Variants in INVS observed in about 807,000 individuals in gnomAD.
INVS encodes inversion of embryo turning homolog.
In INVS, 86 loss-of-function variants were observed where a neutral mutation model predicts 108.8. The observed-to-expected ratio is 0.79, with a 90% CI of 0.66 to 0.95. INVS has a LOEUF of 0.95. INVS is among the 40% of genes least tolerant of loss of function. The pLI, the probability that INVS is intolerant of heterozygous loss-of-function variation, is 0.00. For synonymous variants in INVS, 455 were observed against 473.5 expected, an observed-to-expected ratio of 0.96 and a Z score of 0.51; for missense variants, 1,169 against 1,297.4, an observed-to-expected ratio of 0.90 and a Z score of 1.52.
chr9:100,226,262 A>G, intron 4 of INVS, 27 bp downstream of exon 4: 2 of 1,600,070 alleles, frequency 1.2e-6, no homozygotes, highest in Non-Finnish European at 1.7e-6. Flanking sequence ...ATCAAAGACT[A>G]ATAAGACCAG....
At chr9:100,257,971 G>A (rs1388907700) in intron 10 of INVS, among the ~76,000 whole-genome samples, 1 of 152,184 alleles carries the variant, frequency 6.6e-6, no homozygotes, top group Non-Finnish European at 1.5e-5. Flanking sequence ...CTAGGTTGGG[G>A]AAGTTCTCCT....
chr9:100,145,227 G>A (rs567971965), intron 3 of INVS, among the ~76,000 whole-genome samples: 4 of 152,138 alleles, frequency 2.6e-5, no homozygotes, highest in African/African-American at 9.6e-5. Context: ...GAGACACGGA[G>A]GGAAGGGGTT....
chr9:100,179,549 G>C (rs1229042745), intron 3 of INVS, among the ~76,000 whole-genome samples: 1 of 151,634 alleles, frequency 6.6e-6, no homozygotes, highest in African/African-American at 2.4e-5. Flanking sequence ...ACAAACAAGG[G>C]CATTACATAA....
chr9:100,117,207 A>G (rs1445652396), intron 2 of INVS: 4 of 984,172 alleles, frequency 4.1e-6, no homozygotes, highest in Admixed American at 1.9e-5. Context: ...TCCTTGGAGC[A>G]CTTAACACCC....
Position 100,240,215 on chromosome 9 carries a change from C to T in INVS, c.771C>T (p.Thr257=). ...NITSYDNLFR[T]PLHWAALLGH... The stretch of plus-strand genomic sequence containing the variant: ...CGTCTTATGATAACTTATTTCGAAC[C>T]CCACTGCACTGGGCAGCTTTATTAG... The change falls in exon 6 of 17, where the codon ACC becomes ACT. Residue 257 remains threonine, a synonymous_variant. Transcript: ENST00000262457. The T allele has an allele frequency of 3.1e-6, 5 of 1,613,938 alleles. No homozygotes were observed. Among genetic ancestry groups the T allele is most frequent in the Non-Finnish European group, 4.2e-6 (5 of 1,179,924 alleles).
At chr9:100,131,327 AAT>A (rs1056402025) in intron 3 of INVS, among the ~76,000 whole-genome samples, 4 of 152,256 alleles carry the variant, frequency 2.6e-5, no homozygotes, top group African/African-American at 9.6e-5. Flanking sequence ...CTACTTTAAA[AAT>A]ATATATGTTT....
intron 10 of INVS, among the ~76,000 whole-genome samples, chr9:100,255,049 G>T (rs1832370989): frequency 1.3e-5 from 2 of 152,186 alleles, no homozygotes; most frequent in Non-Finnish European, 2.9e-5. Context: ...CTATCCATGA[G>T]CATGGAATGT....
intron 3 of INVS, among the ~76,000 whole-genome samples, chr9:100,213,853 G>A (rs926762376): frequency 3.3e-5 from 5 of 152,102 alleles, no homozygotes; most frequent in African/African-American, 1.2e-4. Context: ...CTCTCCAGTT[G>A]CTTGTTGCAA....
chr9:100,280,251 C>A (rs1191745844), intron 12 of INVS, among the ~76,000 whole-genome samples: 2 of 152,182 alleles, frequency 1.3e-5, no homozygotes, highest in Non-Finnish European at 2.9e-5. Flanking sequence ...TAAATCTTTT[C>A]TTCCCTGGGT....
intron 12 of INVS, among the ~76,000 whole-genome samples, chr9:100,277,737 T>G (rs1833153827): frequency 6.6e-6 from 1 of 152,168 alleles, no homozygotes; most frequent in Non-Finnish European, 1.5e-5. Context: ...CTTATTCCCT[T>G]GAGAGGGAGT....
intron 10 of INVS, among the ~76,000 whole-genome samples, chr9:100,264,475 G>A (rs1832721407): frequency 6.6e-6 from 1 of 151,934 alleles, no homozygotes; most frequent in South Asian, 2.1e-4. Context: ...AAAATTAGCT[G>A]GGCATGGCGG....
chr9:100,214,401 A>T (rs965931093), intron 3 of INVS, among the ~76,000 whole-genome samples: 5 of 152,204 alleles, frequency 3.3e-5, no homozygotes, highest in Admixed American at 3.3e-4. Context: ...TCTTTCCTAC[A>T]TACAAACATG....
intron 3 of INVS, among the ~76,000 whole-genome samples, chr9:100,159,670 T>C (rs945785861): frequency 6.6e-6 from 1 of 152,198 alleles, no homozygotes; most frequent in Non-Finnish European, 1.5e-5. Context: ...ATTTAAAATA[T>C]CTTCATCACT....
intron 2 of INVS, among the ~76,000 whole-genome samples, chr9:100,112,689 A>G (rs1827377919): frequency 1.3e-5 from 2 of 152,200 alleles, no homozygotes; most frequent in African/African-American, 4.8e-5. Flanking sequence ...ATCGCAAAAA[A>G]AAAAATCTCA....
At chr9:100,236,881 A>G (rs961404537) in intron 5 of INVS, among the ~76,000 whole-genome samples, 3 of 152,220 alleles carry the variant, frequency 2.0e-5, no homozygotes, top group African/African-American at 7.2e-5. Flanking sequence ...GCAGAGCTCA[A>G]GCACTCTGTT....
At chr9:100,249,365 G>C in intron 8 of INVS, among the ~76,000 whole-genome samples, 1 of 151,940 alleles carries the variant, frequency 6.6e-6, no homozygotes, top group East Asian at 1.9e-4. Context: ...GTGGCATCAA[G>C]TATGAAATAT....
chr9:100,135,564 A>G (rs1185159151), intron 3 of INVS, among the ~76,000 whole-genome samples: 1 of 152,162 alleles, frequency 6.6e-6, no homozygotes, highest in Non-Finnish European at 1.5e-5. Flanking sequence ...TTTCAATGCT[A>G]TTGGCTCCAT....
chr9:100,115,033 T>C (rs928236309), intron 2 of INVS, among the ~76,000 whole-genome samples: 1 of 152,224 alleles, frequency 6.6e-6, no homozygotes, highest in Non-Finnish European at 1.5e-5. Context: ...CATTTTGCAT[T>C]TCTACCAACA....
intron 3 of INVS, among the ~76,000 whole-genome samples, chr9:100,153,524 A>C (rs949718729): frequency 4.6e-5 from 7 of 152,230 alleles, no homozygotes; most frequent in African/African-American, 1.7e-4. Context: ...GCAAAACTCC[A>C]AAAGTTTGAC....
Sources: allele counts gnomAD v4.1 joint callset (sites outside exome capture counted in the v4.1 genomes callset), GRCh38; gene constraint gnomAD v4.1.1; transcripts MANE v1.5; gene names NCBI Gene and HGNC (gene_info 2026-07-23, HGNC 2026-07-21).